RANBP2: variants seen among roughly 807,000 people sequenced by gnomAD.
RANBP2 encodes the protein RAN binding protein 2.
Under a neutral mutation model 303.6 loss-of-function variants are expected in RANBP2, and 57 were observed. That is an observed-to-expected ratio of 0.19 (90% confidence interval 0.15 to 0.23). RANBP2 has a LOEUF of 0.23. RANBP2 is among the 10% of genes least tolerant of loss of function. The probability of loss-of-function intolerance (pLI) is 1.00; values close to 1 mark genes in which losing one functional copy is unlikely to be tolerated. For missense variants in RANBP2, 3,138 were observed against 3,780.8 expected (o/e 0.83, Z 4.46); for synonymous variants, 1,167 against 1,301.5 (o/e 0.90, Z 2.23).
the RANBP2 span, among the ~76,000 whole-genome samples, chr2:109,392,807 G>A: frequency 9.9e-5 from 15 of 152,222 alleles, no homozygotes; most frequent in African/African-American, 2.6e-4. Flanking sequence ...CAGCCACCAC[G>A]CACGGCCCCC....
At chr2:108,753,210 A>C in intron 13 of RANBP2, 51 bp downstream of exon 13, 1 of 1,611,458 alleles carries the variant, frequency 6.2e-7, no homozygotes, top group East Asian at 2.2e-5. Context: ...TCCAGTTTAT[A>C]AACAAAGACA....
chr2:109,302,322 A>G, the RANBP2 span, among the ~76,000 whole-genome samples: 2 of 152,262 alleles, frequency 1.3e-5, no homozygotes, highest in Non-Finnish European at 2.9e-5. Flanking sequence ...GTGATGGATC[A>G]GTCAGGATGG....
intron 28 of RANBP2, among the ~76,000 whole-genome samples, chr2:108,783,276 A>T (rs1022151733): frequency 4.4e-5 from 6 of 136,700 alleles, no homozygotes; most frequent in Non-Finnish European, 1.5e-5. Flanking sequence ...GGCTGCAGTG[A>T]GCTAGGTTTG....
chr2:109,629,231 T>A, the RANBP2 span, among the ~76,000 whole-genome samples: 1 of 113,996 alleles, frequency 8.8e-6, no homozygotes, highest in Non-Finnish European at 1.8e-5. Flanking sequence ...AATAAATAAA[T>A]AAATAAAATG....
chr2:109,615,970 C>T, the RANBP2 span: 1 of 1,573,896 alleles, frequency 6.4e-7, no homozygotes, highest in Admixed American at 1.8e-5. Context: ...CCAGAGCAGC[C>T]GCTGGAGGGC....
At chr2:109,666,107 CACAAA>C in the RANBP2 span, among the ~76,000 whole-genome samples, 4 of 144,052 alleles carry the variant, frequency 2.8e-5, no homozygotes, top group East Asian at 2.0e-4. Context: ...CAGATTCTGT[CACAAA>C]ACAAAACAAA....
At chr2:109,704,607 T>C in the RANBP2 span, among the ~76,000 whole-genome samples, 1 of 151,934 alleles carries the variant, frequency 6.6e-6, no homozygotes, top group African/African-American at 2.4e-5. Flanking sequence ...CCCAGCACTT[T>C]AGGAGGCCGA....
chr2:109,673,018 A>T, the RANBP2 span, among the ~76,000 whole-genome samples: 1 of 152,242 alleles, frequency 6.6e-6, no homozygotes, highest in Admixed American at 6.5e-5. Context: ...CTTGAGATAT[A>T]TAGAGTTAGA....
chr2:109,509,486 G>A, the RANBP2 span, among the ~76,000 whole-genome samples: 3 of 152,086 alleles, frequency 2.0e-5, no homozygotes, highest in East Asian at 1.9e-4. Flanking sequence ...TCCTCACTCT[G>A]TCAAGCAGCT....
At chr2:109,694,426 A>ATTT in the RANBP2 span, among the ~76,000 whole-genome samples, 1 of 138,116 alleles carries the variant, frequency 7.2e-6, no homozygotes, top group Non-Finnish European at 1.6e-5. Context: ...TTTTTTTGAG[A>ATTT]TGGAATCTCA....
At chr2:109,074,527 C>A in the RANBP2 span, among the ~76,000 whole-genome samples, 1 of 149,894 alleles carries the variant, frequency 6.7e-6, no homozygotes, top group Admixed American at 6.6e-5. Flanking sequence ...TGATGAAGCC[C>A]CATCTCTACT....
At chr2:109,700,294 C>T in the RANBP2 span, among the ~76,000 whole-genome samples, 1 of 152,084 alleles carries the variant, frequency 6.6e-6, no homozygotes, top group Non-Finnish European at 1.5e-5. Flanking sequence ...TTGCCAAGGT[C>T]GAGAATGTGC....
the RANBP2 span, among the ~76,000 whole-genome samples, chr2:109,279,459 T>G: frequency 6.6e-6 from 1 of 152,186 alleles, no homozygotes; most frequent in African/African-American, 2.4e-5. Context: ...CACCTCACTT[T>G]AATGCTGCTA....
At chr2:109,484,357 C>G in the RANBP2 span, among the ~76,000 whole-genome samples, 1 of 152,140 alleles carries the variant, frequency 6.6e-6, no homozygotes, top group Non-Finnish European at 1.5e-5. Context: ...ATGAGCCACC[C>G]TGCCTGGTCA....
At chr2:109,385,912 T>G in the RANBP2 span, among the ~76,000 whole-genome samples, 71,745 of 151,534 alleles carry the variant, frequency 0.47, 17,030 homozygotes, top group Middle Eastern at 0.55. Context: ...CTTCTTCATA[T>G]TTCTTATTGG....
At chr2:108,894,506 AT>A in the RANBP2 span, 15 of 152,616 alleles carry the variant, frequency 9.8e-5, no homozygotes, top group Non-Finnish European at 1.0e-4. Flanking sequence ...ATAAAATATA[AT>A]AAGTTATATA....
chr2:108,831,437 G>C, the RANBP2 span, among the ~76,000 whole-genome samples: 1 of 152,078 alleles, frequency 6.6e-6, no homozygotes, highest in Non-Finnish European at 1.5e-5. Context: ...TATTATGTTT[G>C]GATTAAGAAT....
the RANBP2 span, chr2:109,552,952 T>C: frequency 2.0e-6 from 2 of 978,950 alleles, no homozygotes; most frequent in Non-Finnish European, 1.5e-6. Context: ...ATTCAAATAC[T>C]ATGTGTTGGA....
the RANBP2 span, among the ~76,000 whole-genome samples, chr2:109,704,712 G>C: frequency 6.6e-6 from 1 of 152,140 alleles, no homozygotes; most frequent in East Asian, 1.9e-4. Context: ...TTAGCTGGGC[G>C]TGGTGGCAGG....
Sources: allele counts gnomAD v4.1 joint callset (sites outside exome capture counted in the v4.1 genomes callset), GRCh38; gene constraint gnomAD v4.1.1; transcripts MANE v1.5; gene names NCBI Gene and HGNC (gene_info 2026-07-23, HGNC 2026-07-21).